Variants in LRRC37A3 observed in about 807,000 individuals in gnomAD.
The protein encoded by LRRC37A3 is leucine-rich repeat-containing protein 37A3.
A neutral mutation model predicts 106.2 loss-of-function variants in LRRC37A3; 25 were observed. The ratio of observed to expected loss-of-function variants is 0.24; its 90% CI spans 0.17 to 0.33. The LOEUF is 0.33. LRRC37A3 is among the 10% of genes least tolerant of loss of function. The pLI, the probability that LRRC37A3 is intolerant of heterozygous loss-of-function variation, is 1.00. For synonymous variants in LRRC37A3, 305 were observed against 635.8 expected (o/e 0.48, Z 7.83); for missense variants, 712 against 1,644.9 (o/e 0.43, Z 9.81).
intron 10 of LRRC37A3, among the ~76,000 whole-genome samples, chr17:64,867,770 CA>C (rs1388500150): frequency 2.6e-5 from 4 of 151,606 alleles, no homozygotes; most frequent in Non-Finnish European, 5.9e-5. Flanking sequence ...AGCATAATCT[CA>C]AAAAAAATTC....
At chr17:64,914,957 G>A (rs1217137007) in intron 2 of LRRC37A3, among the ~76,000 whole-genome samples, 12 of 151,632 alleles carry the variant, frequency 7.9e-5, no homozygotes, top group Non-Finnish European at 4.4e-5. Flanking sequence ...ATAGGCAGTA[G>A]AATGATGGTT....
intron 10 of LRRC37A3, among the ~76,000 whole-genome samples, chr17:64,865,963 T>C (rs1236664298): frequency 6.6e-6 from 1 of 152,078 alleles, no homozygotes; most frequent in African/African-American, 2.4e-5. Context: ...TGAGGTATAC[T>C]TGAGAATAAT....
At chr17:64,915,722 A>G (rs950810758) in intron 2 of LRRC37A3, among the ~76,000 whole-genome samples, 3 of 152,258 alleles carry the variant, frequency 2.0e-5, no homozygotes, top group African/African-American at 4.8e-5. Context: ...CACAAGGCAC[A>G]GATGGGGAGA....
At chr17:64,910,022 C>T (rs867606471) in intron 2 of LRRC37A3, 27 of 152,038 alleles carry the variant, frequency 1.8e-4, no homozygotes, top group Non-Finnish European at 2.7e-4. Flanking sequence ...CCTTTGTATT[C>T]TGTAATACAA....
At chr17:64,857,204 T>C (rs1466210180) in intron 13 of LRRC37A3, among the ~76,000 whole-genome samples, 1 of 152,198 alleles carries the variant, frequency 6.6e-6, no homozygotes, top group Non-Finnish European at 1.5e-5. Context: ...AAACCTCAAA[T>C]ACTTTTCCCA....
chr17:64,890,750 T>C, intron 5 of LRRC37A3, among the ~76,000 whole-genome samples: 1 of 146,358 alleles, frequency 6.8e-6, no homozygotes, highest in East Asian at 1.9e-4. Context: ...GAGAATCCCT[T>C]GAACCCGGGA....
rs1338476236 is a variant in LRRC37A3, at chr17:64,878,804, T to C, written c.2906+7282A>G. On this transcript the variant is annotated intron_variant, in intron 8 of 14. Transcript: ENST00000584306. ...GAAAAGTTAAACATAAGAGTTGCCA[T>C]ATGATCTAGCAATTCTGCTAGGGAT... Among the ~76,000 whole-genome samples the C allele has an allele frequency of 2.6e-5, 4 of 152,224 alleles. No individual in the cohort carries two copies. In the South Asian group the frequency reaches 6.2e-4, roughly 24 times the overall value.
At chr17:64,881,330 C>T in intron 8 of LRRC37A3, 1 of 626,168 alleles carries the variant, frequency 1.6e-6, no homozygotes, top group Non-Finnish European at 2.8e-6. Flanking sequence ...TCACTGCAAC[C>T]TCCACCTCCT....
intron 8 of LRRC37A3, 79 bp from the exon 9 acceptor site, chr17:64,869,245 G>A: frequency 5.0e-6 from 8 of 1,594,318 alleles, no homozygotes; most frequent in South Asian, 1.1e-5. Context: ...TCATTTTTTG[G>A]TATGGAACTT....
At chr17:64,866,723 T>C (rs1973123180) in intron 10 of LRRC37A3, among the ~76,000 whole-genome samples, 1 of 133,492 alleles carries the variant, frequency 7.5e-6, no homozygotes, top group Non-Finnish European at 1.6e-5. Flanking sequence ...CTCCACCTCC[T>C]GGGTTCAAGT....
In LRRC37A3 at chr17:64,864,081, G is replaced by A. The variant is rs956850977; in HGVS notation, c.3054-1063C>T. 4.8e-4 allele frequency among the ~76,000 whole-genome samples: 73 copies of A among 150,730 alleles called. 1 individual carries two copies. Among genetic ancestry groups the A allele is most frequent in the South Asian group, 4.2e-4 (2 of 4,764 alleles). On this transcript the variant is annotated intron_variant, in intron 10 of 14. Coordinates refer to ENST00000584306, the MANE Select transcript of LRRC37A3 (RefSeq NM_199340.5). ...TGGGCTCAGGCAATCCTCCCACCTC[G>A]GCCTTCCAAAGTGCTGGGATTACAA...
intron 8 of LRRC37A3, among the ~76,000 whole-genome samples, chr17:64,872,239 G>C (rs111256784): frequency 2.1e-5 from 2 of 95,578 alleles, no homozygotes; most frequent in African/African-American, 4.1e-5. Flanking sequence ...AAATTGACCA[G>C]AATAAACTTT....
At chr17:64,909,763 C>A (rs542079344) in intron 2 of LRRC37A3, 1 of 152,156 alleles carries the variant, frequency 6.6e-6, no homozygotes, top group Non-Finnish European at 1.5e-5. Flanking sequence ...CATTAATGTA[C>A]GCCCACAAAA....
At chr17:64,867,696 A>G (rs977813570) in intron 10 of LRRC37A3, among the ~76,000 whole-genome samples, 4 of 151,488 alleles carry the variant, frequency 2.6e-5, no homozygotes, top group Admixed American at 1.3e-4. Flanking sequence ...CGTTGAATCT[A>G]TGGATGAGGA....
At position 64,864,208 on chromosome 17, in the gene LRRC37A3, G is replaced by A. The variant is rs185824379; in HGVS notation, c.3054-1190C>T. 3.5e-4 allele frequency among the ~76,000 whole-genome samples: 54 copies of A among 152,186 alleles called. No individual in the cohort carries two copies. The East Asian group carries it at 0.01, about 28-fold the overall frequency. ...AGTATTACAGGCCATCTGCGGTTAC[G>A]AGGCAGGAAGAATACATCACCTATG... On this transcript the variant is annotated intron_variant, in intron 10 of 14. Coordinates refer to ENST00000584306, the MANE Select transcript of LRRC37A3 (RefSeq NM_199340.5).
chr17:64,884,388 CAG>C (rs1171447935), intron 8 of LRRC37A3, among the ~76,000 whole-genome samples: 1 of 151,646 alleles, frequency 6.6e-6, no homozygotes, highest in Non-Finnish European at 1.5e-5. Context: ...TTATTTGAGA[CAG>C]AGTCTCACTC....
In LRRC37A3 at chr17:64,859,530, A is replaced by G. The variant is rs1469320841; in HGVS notation, c.4616T>C (p.Ile1539Thr). The change falls in exon 12 of 15, where the codon ATA (isoleucine) becomes ACA (threonine). Residue 1539 changes from isoleucine to threonine, a missense_variant. Ile to Thr is a moderately conservative substitution (Grantham distance 89). Transcript: ENST00000584306. ...SGQQEVKASK[I>T]EWDTDQWKTE... is the part of the protein sequence containing the mutation. ...CTTCCATTGGTCCGTATCCCATTCT[A>G]TCTTGGATGCCTTTACTTCCTGCTG... 14 of 1,610,330 alleles carry G rather than the reference A, an allele frequency of 8.7e-6. No individual in the cohort carries two copies. Among genetic ancestry groups the G allele is most frequent in the African/African-American group, 1.4e-5 (1 of 73,568 alleles).
intron 2 of LRRC37A3, among the ~76,000 whole-genome samples, chr17:64,915,124 T>A (rs1974673625): frequency 6.6e-6 from 1 of 152,102 alleles, no homozygotes; most frequent in Non-Finnish European, 1.5e-5. Context: ...CTAGAACATT[T>A]GTTATCTTCC....
At position 64,860,542 on chromosome 17, in the gene LRRC37A3, C is replaced by T. The variant is rs140182770; in HGVS notation, c.3604G>A (p.Glu1202Lys). The T allele has an allele frequency of 4.7e-5, 76 of 1,612,736 alleles. No individual in the cohort carries two copies. The highest frequency in any genetic ancestry group is 1.6e-4 in the East Asian group (7 of 44,876). Reference protein sequence around the residue: ...GAQASVENTAEEKRLGSPAPR... With the variant: ...GAQASVENTAKEKRLGSPAPR... ...GCTGGACTTCCGAGCCTTTTTTCTT[C>T]GGCAGTGTTCTCCACAGATGCCTGG... Residue 1202 changes from glutamate to lysine, a missense_variant, in exon 12 of 15, where the codon GAA becomes AAA. Coordinates refer to ENST00000584306, the MANE Select transcript of LRRC37A3 (RefSeq NM_199340.5).
Sources: gnomAD v4.1 joint callset for allele counts (sites outside exome capture counted in the v4.1 genomes callset) on GRCh38, gnomAD v4.1.1 for gene constraint, MANE v1.5 for transcripts, NCBI Gene and HGNC (gene_info 2026-07-23, HGNC 2026-07-21) for gene names.